Variants in NINL observed in about 807,000 individuals in gnomAD.
The protein encoded by NINL is ninein-like protein.
NINL carries 153 observed loss-of-function variants against 160.3 expected under a neutral mutation model. The ratio of observed to expected loss-of-function variants is 0.95; its 90% CI spans 0.84 to 1.09. NINL has a LOEUF of 1.09. Ranked by LOEUF, NINL falls within the 50% of genes least tolerant of loss-of-function variation. The pLI is 0.00. For missense variants in NINL, 1,829 were observed against 1,764.0 expected (o/e 1.04, Z -0.66); for synonymous variants, 800 against 734.8 (o/e 1.09, Z -1.43).
rs1300241840 is a variant in NINL at position 25,547,583 on chromosome 20, C to A, written c.-11-20985G>T. On this transcript the variant is annotated intron_variant, in intron 1 of 23. Coordinates refer to ENST00000278886, the MANE Select transcript of NINL (RefSeq NM_025176.6). ...AGAACTGGGTTAAATTCTAGGACAT[C>A]CAGGGGCCTCTGAAGAGAATTGGAG... Among the ~76,000 whole-genome samples, 11 of 151,920 alleles carry A rather than the reference C, an allele frequency of 7.2e-5. No individual in the cohort carries two copies. The East Asian group carries it at 2.1e-3, about 29-fold the overall frequency.
chr20:25,496,011 G>A (rs556946169), intron 10 of NINL, among the ~76,000 whole-genome samples: 1 of 152,252 alleles, frequency 6.6e-6, no homozygotes, highest in Non-Finnish European at 1.5e-5. Flanking sequence ...GGGTGTGGTG[G>A]CAGGCGCCTG....
chr20:25,548,916 C>T (rs371196914), intron 1 of NINL, among the ~76,000 whole-genome samples: 118 of 145,648 alleles, frequency 8.1e-4, no homozygotes, highest in African/African-American at 2.8e-3. Context: ...CTGACCCCAG[C>T]ACCCACGGCC....
rs142301630 is a variant in NINL, at chr20:25,530,691, C to T, written c.-11-4093G>A. ...ATGTTGGTAGGTTCCGTGATGCCCC[C>T]CAAGCTGCAAAACCAGCAAGTTTTT... On this transcript the variant is annotated intron_variant, in intron 1 of 23. Coordinates refer to ENST00000278886, the MANE Select transcript of NINL (RefSeq NM_025176.6). Among the ~76,000 whole-genome samples the T allele has an allele frequency of 1.4e-3, 206 of 152,048 alleles. 1 individual carries two copies. The highest frequency in any genetic ancestry group is 4.7e-3 in the African/African-American group (194 of 41,416).
intron 13 of NINL, among the ~76,000 whole-genome samples, chr20:25,488,314 C>T (rs1435892568): frequency 2.6e-5 from 4 of 152,224 alleles, no homozygotes; most frequent in Admixed American, 6.5e-5. Context: ...CAACCTCCGC[C>T]GCTTGGGTTC....
At position 25,453,661 on chromosome 20, in the gene NINL, C is replaced by A. The variant is rs776768773; in HGVS notation, c.3958-19G>T. 1.9e-6 allele frequency: 3 copies of A among 1,581,540 alleles called. No homozygotes were observed. Among genetic ancestry groups the A allele is most frequent in the South Asian group, 2.3e-5 (2 of 87,394 alleles). On this transcript the variant is annotated intron_variant, in intron 23 of 23. Coordinates refer to ENST00000278886, the MANE Select transcript of NINL (RefSeq NM_025176.6). ...TTTCAAACTAGAGAGGGGAGGAAGC[C>A]ATGCTTTGCATGAGGCCGGTGGAGA...
intron 5 of NINL, among the ~76,000 whole-genome samples, chr20:25,510,228 C>T (rs1390548360): frequency 2.6e-5 from 4 of 152,226 alleles, no homozygotes; most frequent in African/African-American, 9.6e-5. Context: ...ACAGATAAAA[C>T]CCTGGTGGGT....
intron 1 of NINL, among the ~76,000 whole-genome samples, chr20:25,549,059 A>G (rs1600324432): frequency 7.5e-6 from 1 of 133,148 alleles, no homozygotes. Flanking sequence ...CCCAGGCCTG[A>G]CCCCGGCACC....
At chr20:25,499,984 G>GTA (rs2063836224) in intron 8 of NINL, among the ~76,000 whole-genome samples, 1 of 142,376 alleles carries the variant, frequency 7.0e-6, no homozygotes, top group Non-Finnish European at 1.5e-5. Flanking sequence ...TAGCCAGAAT[G>GTA]TATATATACA....
intron 10 of NINL, among the ~76,000 whole-genome samples, chr20:25,494,261 C>T (rs866989399): frequency 6.6e-6 from 1 of 151,062 alleles, no homozygotes; most frequent in Non-Finnish European, 1.5e-5. Flanking sequence ...TTCCACTGCA[C>T]CCCTCTAGTC....
chr20:25,540,815 G>GTGTTTTCCTA (rs1244348721), intron 1 of NINL, among the ~76,000 whole-genome samples: 1 of 152,124 alleles, frequency 6.6e-6, no homozygotes, highest in Admixed American at 6.5e-5. Context: ...GAGCTATTAG[G>GTGTTTTCCTA]ATTAACTTCC....
At chr20:25,479,412 C>T (rs567718496) in intron 15 of NINL, among the ~76,000 whole-genome samples, 1 of 152,302 alleles carries the variant, frequency 6.6e-6, no homozygotes, top group African/African-American at 2.4e-5. Context: ...GTCACCTATC[C>T]CCCCTGAGGC....
Position 25,476,506 on chromosome 20 carries a change from T to C in NINL, c.2785A>G (p.Ser929Gly). The change falls in exon 17 of 24, where the codon AGC becomes GGC. Residue 929 changes from serine (S) to glycine (G), a missense_variant. Physicochemically the swap from Ser to Gly is moderately conservative, Grantham distance 56. Transcript: ENST00000278886. ...CCAGGCTGCTCCAGCCCCGCTGCGC[T>C]CGCGCCGAAAGGCTCTGGCTCCTTT... ...VPKEPEPFGASAAGLEQPGAR... is the reference protein window; with the variant it reads ...VPKEPEPFGAGAAGLEQPGAR... 1 of 1,603,260 alleles carries C rather than the reference T, an allele frequency of 6.2e-7. No individual in the cohort carries two copies. The highest frequency in any genetic ancestry group is 8.5e-7 in the Non-Finnish European group (1 of 1,179,848).
intron 1 of NINL, among the ~76,000 whole-genome samples, chr20:25,547,142 T>C (rs1405099792): frequency 6.6e-6 from 1 of 152,098 alleles, no homozygotes. Context: ...AATTCTGTTA[T>C]TCATAATAAG....
At chr20:25,484,440 G>C (rs1050700081) in intron 13 of NINL, among the ~76,000 whole-genome samples, 1 of 152,204 alleles carries the variant, frequency 6.6e-6, no homozygotes, top group Non-Finnish European at 1.5e-5. Flanking sequence ...CAGATTGTGG[G>C]CAGGTGCTGG....
At chr20:25,546,474 G>A (rs566662321) in intron 1 of NINL, among the ~76,000 whole-genome samples, 1 of 152,210 alleles carries the variant, frequency 6.6e-6, no homozygotes, top group African/African-American at 2.4e-5. Flanking sequence ...ATAAAATGCA[G>A]CTTTTGCTTC....
intron 10 of NINL, among the ~76,000 whole-genome samples, chr20:25,494,406 G>C (rs771649465): frequency 3.3e-5 from 5 of 151,620 alleles, no homozygotes; most frequent in Non-Finnish European, 7.4e-5. Flanking sequence ...TACACGTACT[G>C]CACCACCGCT....
chr20:25,454,388 G>A (rs2090614986), intron 23 of NINL, among the ~76,000 whole-genome samples: 1 of 152,188 alleles, frequency 6.6e-6, no homozygotes, highest in African/African-American at 2.4e-5. Context: ...CAGGTATGCA[G>A]GAGCCACAGG....
intron 5 of NINL, among the ~76,000 whole-genome samples, chr20:25,510,375 T>C (rs2064045364): frequency 6.6e-6 from 1 of 152,204 alleles, no homozygotes; most frequent in African/African-American, 2.4e-5. Context: ...ACCTGCCAGC[T>C]GGGGTCACAT....
At chr20:25,458,006 C>T (rs1237572720) in intron 22 of NINL, among the ~76,000 whole-genome samples, 1 of 152,238 alleles carries the variant, frequency 6.6e-6, no homozygotes, top group Non-Finnish European at 1.5e-5. Flanking sequence ...TCTCCCACCA[C>T]CTGCACTGCC....
Sources: allele counts gnomAD v4.1 joint callset (sites outside exome capture counted in the v4.1 genomes callset), GRCh38; gene constraint gnomAD v4.1.1; transcripts MANE v1.5; gene names NCBI Gene and HGNC (gene_info 2026-07-23, HGNC 2026-07-21).